The following SLC38A4 variants were observed in gnomAD, a reference collection of about 807,000 sequenced individuals.
The protein encoded by SLC38A4 is solute carrier family 38 member 4.
A neutral mutation model predicts 63.1 loss-of-function variants in SLC38A4; 20 were observed. The observed-to-expected ratio is 0.32, with a 90% CI of 0.22 to 0.46. SLC38A4 has a LOEUF of 0.46. SLC38A4 is among the 20% of genes least tolerant of loss of function. The pLI is 1.00. For missense variants in SLC38A4, 526 were observed against 663.6 expected (o/e 0.79, Z 2.28); for synonymous variants, 230 against 225.5 (o/e 1.02, Z -0.18).
At chr12:46,794,950 G>A (rs1280703602) in intron 2 of SLC38A4, among the ~76,000 whole-genome samples, 1 of 151,542 alleles carries the variant, frequency 6.6e-6, no homozygotes, top group Non-Finnish European at 1.5e-5. Flanking sequence ...CAGGTTAAAA[G>A]CTAAGAGAGA....
chr12:46,776,016 T>C (rs1938517845), intron 13 of SLC38A4, among the ~76,000 whole-genome samples: 1 of 151,932 alleles, frequency 6.6e-6, no homozygotes, highest in South Asian at 2.1e-4. Flanking sequence ...CAAATATTAG[T>C]CAAATAGAAA....
At position 46,788,511 on chromosome 12, in the gene SLC38A4, A is replaced by G; in HGVS notation, c.210+17T>C. 1 of 1,603,020 alleles carries G rather than the reference A, an allele frequency of 6.2e-7. No individual in the cohort carries two copies. Among genetic ancestry groups the G allele is most frequent in the Non-Finnish European group, 8.5e-7 (1 of 1,170,856 alleles). On this transcript the variant is annotated intron_variant, in intron 4 of 16. Transcript: ENST00000266579. ...CCCTCAGTCCCGTTTATTGCCTGAA[A>G]GCATAGATTCACTTACGTGTTCATC...
chr12:46,765,481 A>C lies in SLC38A4; in HGVS notation c.*1220T>G, dbSNP rs1938279286. 4 of 365,542 alleles carry C rather than the reference A, an allele frequency of 1.1e-5. No individual in the cohort carries two copies. Among genetic ancestry groups the C allele is most frequent in the Non-Finnish European group, 2.1e-5 (4 of 190,138 alleles). The allele number at this position is 365,542 out of a possible 1,614,324, so 22.6% of individuals were successfully genotyped here. On this transcript the variant is annotated 3_prime_UTR_variant, in exon 17 of 17. Transcript: ENST00000266579. The stretch of plus-strand genomic sequence containing the variant: ...GATAAAAATTTGCAAAAAGAAACTT[A>C]TTTTCTTGTAGATCATCCTATTATT...
chr12:46,792,683 A>G (rs1938915035), intron 3 of SLC38A4, among the ~76,000 whole-genome samples: 1 of 152,134 alleles, frequency 6.6e-6, no homozygotes, highest in Non-Finnish European at 1.5e-5. Flanking sequence ...AATCTGAGAA[A>G]GATAAGAGGA....
In SLC38A4 at chr12:46,778,490, C is replaced by G. The variant is rs368607022; in HGVS notation, c.993+11G>C. The stretch of plus-strand genomic sequence containing the variant: ...AACTGTACTCATTAGAAGCCCGGAC[C>G]GCTCACTTACCCGGGAGTTGAATAC... On this transcript the variant is annotated intron_variant, in intron 11 of 16. Transcript: ENST00000266579. 1.6e-5 allele frequency: 26 copies of G among 1,610,036 alleles called. No homozygotes were observed. Among genetic ancestry groups the G allele is most frequent in the Admixed American group, 6.7e-5 (4 of 59,754 alleles).
chr12:46,785,335 T>C (rs1309492968), intron 5 of SLC38A4, among the ~76,000 whole-genome samples, 158 bp from the exon 6 acceptor site: 2 of 152,136 alleles, frequency 1.3e-5, no homozygotes, highest in African/African-American at 2.4e-5. Context: ...TTCAGAACTC[T>C]ACACATACCC....
chr12:46,771,856 C>T (rs1938422968), intron 14 of SLC38A4, among the ~76,000 whole-genome samples: 1 of 152,084 alleles, frequency 6.6e-6, no homozygotes, highest in Non-Finnish European at 1.5e-5. Flanking sequence ...TTCCACTTAG[C>T]TATGTGCCTT....
intron 14 of SLC38A4, among the ~76,000 whole-genome samples, chr12:46,773,274 A>G (rs900699468): frequency 6.6e-6 from 1 of 151,946 alleles, no homozygotes; most frequent in Non-Finnish European, 1.5e-5. Flanking sequence ...TTTGAAGACC[A>G]TTTTTCTTCC....
chr12:46,825,443 G>A (rs1167260028), intron 1 of SLC38A4, among the ~76,000 whole-genome samples: 1 of 152,080 alleles, frequency 6.6e-6, no homozygotes, highest in African/African-American at 2.4e-5. Context: ...AATTACTAAA[G>A]TATTGCTTCA....
At chr12:46,785,219 A>G (rs1411605413) in intron 5 of SLC38A4, 42 bp from the exon 6 acceptor site, 3 of 1,416,102 alleles carry the variant, frequency 2.1e-6, no homozygotes, top group African/African-American at 2.8e-5. Flanking sequence ...TTTCTACAAT[A>G]AATAAAATGT....
At chr12:46,785,482 C>G (rs552550199) in intron 5 of SLC38A4, among the ~76,000 whole-genome samples, 5 of 152,152 alleles carry the variant, frequency 3.3e-5, no homozygotes, top group Non-Finnish European at 7.4e-5. Flanking sequence ...GCTACATCTA[C>G]TTACTCAGCA....
At chr12:46,831,946 G>GC (rs1471724238) in intron 1 of SLC38A4, among the ~76,000 whole-genome samples, 2 of 152,030 alleles carry the variant, frequency 1.3e-5, no homozygotes, top group Non-Finnish European at 2.9e-5. Flanking sequence ...AGGCGGAGGT[G>GC]CCCCATACCC....
chr12:46,832,248 A>C (rs988624909), intron 1 of SLC38A4: 2 of 152,006 alleles, frequency 1.3e-5, no homozygotes, highest in African/African-American at 4.8e-5. Context: ...CACCCATCCG[A>C]TAGGCTGGGA....
At chr12:46,776,538 G>T (rs180418) in intron 13 of SLC38A4, among the ~76,000 whole-genome samples, 151,117 of 152,128 alleles carry the variant, frequency 0.99, 75,063 homozygotes, top group East Asian at 1. Context: ...TGTGTGGCAG[G>T]TAATAATTCC....
At chr12:46,813,412 T>C (rs1240743898) in intron 1 of SLC38A4, among the ~76,000 whole-genome samples, 1 of 151,998 alleles carries the variant, frequency 6.6e-6, no homozygotes, top group Non-Finnish European at 1.5e-5. Context: ...TTCTCAAATA[T>C]GGATCTGCCC....
intron 3 of SLC38A4, among the ~76,000 whole-genome samples, chr12:46,791,050 AG>A (rs1412311317): frequency 2.6e-5 from 4 of 152,174 alleles, no homozygotes; most frequent in African/African-American, 9.7e-5. Context: ...CTGGCTTTTG[AG>A]GATCAAGTGG....
In SLC38A4 at chr12:46,784,182, TC is replaced by T. The variant is rs757837208; in HGVS notation, c.493+359del. On this transcript the variant is annotated intron_variant, in intron 7 of 16. Coordinates refer to ENST00000266579, the MANE Select transcript of SLC38A4 (RefSeq NM_018018.5). ...CACTTTTCAGTTTAGTAAATCGAAC[TC>T]AGTCACACATAGAAAACGTCAACTG... 1.3e-3 allele frequency among the ~76,000 whole-genome samples: 191 copies of T among 152,154 alleles called. 1 individual carries two copies. Among genetic ancestry groups the T allele is most frequent in the African/African-American group, 3.7e-3 (154 of 41,540 alleles).
intron 7 of SLC38A4, 85 bp from the exon 8 acceptor site, chr12:46,780,115 A>C (rs1367469784): frequency 1.0e-6 from 1 of 1,003,032 alleles, no homozygotes; most frequent in Non-Finnish European, 1.6e-6. Context: ...GATATGTAAG[A>C]TGAACATCTA....
In SLC38A4 at chr12:46,765,355, A is replaced by G. The variant is rs1055313243; in HGVS notation, c.*1346T>C. ...ATACTTTTACAGAGAACCACTCAAC[A>G]CTGTATTAAATGGCCAATGAATGTC... On this transcript the variant is annotated 3_prime_UTR_variant, in exon 17 of 17. Transcript: ENST00000266579. The G allele has an allele frequency of 2.9e-5, 7 of 238,934 alleles. No individual in the cohort carries two copies. Among genetic ancestry groups the G allele is most frequent in the Non-Finnish European group, 4.3e-5 (5 of 117,124 alleles). 14.8% of individuals were successfully genotyped at this position (238,934 alleles called of 1,614,324 possible).
Sources: gnomAD v4.1 joint callset for allele counts (sites outside exome capture counted in the v4.1 genomes callset) on GRCh38, gnomAD v4.1.1 for gene constraint, MANE v1.5 for transcripts, NCBI Gene and HGNC (gene_info 2026-07-23, HGNC 2026-07-21) for gene names.